ZMYND8: variants seen among roughly 807,000 people sequenced by gnomAD.
ZMYND8 encodes MYND-type zinc finger-containing chromatin reader ZMYND8.
In ZMYND8, 37 loss-of-function variants were observed where a neutral mutation model predicts 140.8. The ratio of observed to expected loss-of-function variants is 0.26; its 90% CI spans 0.20 to 0.35. The LOEUF (loss-of-function observed/expected upper bound fraction) is 0.35, where lower values mean the gene tolerates loss of function less well. Among genes scored for constraint, ZMYND8 ranks in the 10% least tolerant of loss-of-function variants. ZMYND8 has a pLI of 1.00. For missense variants in ZMYND8, 1,068 were observed against 1,570.0 expected (o/e 0.68, Z 5.40); for synonymous variants, 592 against 597.1 (o/e 0.99, Z 0.12).
chr20:47,355,586 C>A lies in ZMYND8; in HGVS notation c.14+1071G>T, dbSNP rs116322497. On this transcript the variant is annotated intron_variant, in intron 1 of 22. Coordinates refer to ENST00000471951, the MANE Select transcript of ZMYND8 (RefSeq NM_001281775.3). The stretch of plus-strand genomic sequence containing the variant: ...TTATTAAAAACACACACAACAACAA[C>A]AACACAACCCAACAACTGAATATGG... 4.2e-3 allele frequency: 3,061 copies of A among 725,100 alleles called. 79 individuals are homozygous for A. The African/African-American group carries it at 0.052, about 12-fold the overall frequency. The allele number at this position is 725,100 out of a possible 1,614,324, so 44.9% of individuals were successfully genotyped here. A position where few individuals can be genotyped will look rare whatever the true frequency, so the allele number is the denominator to read the frequency against.
Position 47,298,439 on chromosome 20 carries a change from C to CA in ZMYND8, c.453+289dup. 1.0e-6 allele frequency: 1 copy of CA among 985,368 alleles called. No individual in the cohort carries two copies. Among genetic ancestry groups the CA allele is most frequent in the Non-Finnish European group, 1.2e-6 (1 of 829,920 alleles). 61.0% of individuals were successfully genotyped at this position (985,368 alleles called of 1,614,324 possible). A position where few individuals can be genotyped will look rare whatever the true frequency, so the allele number is the denominator to read the frequency against. On this transcript the variant is annotated intron_variant, in intron 4 of 22. Transcript: ENST00000471951. This position sits in a 1 kb window ranked among gnomAD's most constrained non-coding sequence, Gnocchi z 5.0. ...CGTTCATGATTTGGGAGTTAACTTT[C>CA]AAAAAGTTCATCATAGAAGATGCAG...
At chr20:47,231,134 C>T (rs1347714436) in intron 16 of ZMYND8, among the ~76,000 whole-genome samples, 1 of 152,182 alleles carries the variant, frequency 6.6e-6, no homozygotes, top group Non-Finnish European at 1.5e-5. Context: ...GTGACATCAG[C>T]TAAGGTCCCT....
At chr20:47,280,318 G>A (rs1051355279) in intron 10 of ZMYND8, among the ~76,000 whole-genome samples, 7 of 152,080 alleles carry the variant, frequency 4.6e-5, no homozygotes, top group East Asian at 1.9e-4. Flanking sequence ...GAGGGGCTTC[G>A]AAACTGGTGA....
chr20:47,245,997 C>T lies in ZMYND8; in HGVS notation c.2284+11G>A. 6.4e-7 allele frequency: 1 copy of T among 1,565,762 alleles called. No homozygotes were observed. Among genetic ancestry groups the T allele is most frequent in the Non-Finnish European group, 8.6e-7 (1 of 1,160,734 alleles). On this transcript the variant is annotated intron_variant, in intron 14 of 22. Transcript: ENST00000471951. ...AAATTAAGAAAACTGGAAACAGATA[C>T]AATCACTTACCATCCTGTTTGGGAG...
intron 12 of ZMYND8, among the ~76,000 whole-genome samples, chr20:47,251,654 C>G (rs1328403525): frequency 6.6e-6 from 1 of 151,896 alleles, no homozygotes; most frequent in African/African-American, 2.4e-5. Flanking sequence ...GGCAAGAAAT[C>G]TGAAGTAGCT....
chr20:47,346,940 G>A lies in ZMYND8; in HGVS notation c.85+916C>T, dbSNP rs577643431. ...TTGTAACAATCCTCAAAATGCTTTTGGTTTCAGACGCCTTTAGGGAGTCAC... is the reference window on the plus strand; with the variant it reads ...TTGTAACAATCCTCAAAATGCTTTTAGTTTCAGACGCCTTTAGGGAGTCAC... On this transcript the variant is annotated intron_variant, in intron 2 of 22. Transcript: ENST00000471951. 6.6e-5 allele frequency among the ~76,000 whole-genome samples: 10 copies of A among 152,262 alleles called. No homozygotes were observed. The East Asian group carries it at 1.9e-3, about 29-fold the overall frequency.
intron 7 of ZMYND8, among the ~76,000 whole-genome samples, chr20:47,288,009 T>A (rs1360345274): frequency 6.6e-5 from 10 of 152,154 alleles, no homozygotes; most frequent in Non-Finnish European, 1.5e-4. Flanking sequence ...TAGCCCCAGG[T>A]CTAACTCTAC....
intron 8 of ZMYND8, 76 bp from the exon 9 acceptor site, chr20:47,283,724 T>C: frequency 6.9e-7 from 1 of 1,444,124 alleles, no homozygotes; most frequent in Non-Finnish European, 9.6e-7. Flanking sequence ...TGCTTGATGA[T>C]TTTGAAGGTT....
intron 21 of ZMYND8, among the ~76,000 whole-genome samples, chr20:47,215,523 T>A (rs555708016): frequency 2.6e-4 from 38 of 145,884 alleles, no homozygotes; most frequent in East Asian, 9.8e-4. Context: ...TTTTTTTTTT[T>A]AAATATGAGG....
intron 16 of ZMYND8, among the ~76,000 whole-genome samples, chr20:47,231,101 C>G (rs1186060237): frequency 6.6e-6 from 1 of 152,152 alleles, no homozygotes; most frequent in African/African-American, 2.4e-5. Flanking sequence ...AACTATCTGA[C>G]CCCTGAAGGC....
At chr20:47,256,452 T>C (rs1569011743) in intron 12 of ZMYND8, among the ~76,000 whole-genome samples, 1 of 151,478 alleles carries the variant, frequency 6.6e-6, no homozygotes, top group Non-Finnish European at 1.5e-5. Flanking sequence ...ACCCTGTCTC[T>C]ACTAAAAAAT....
chr20:47,307,101 G>C lies in ZMYND8; in HGVS notation c.234+2955C>G, dbSNP rs367828357. 3.2e-4 allele frequency among the ~76,000 whole-genome samples: 49 copies of C among 152,214 alleles called. No individual in the cohort carries two copies. In the East Asian group the frequency reaches 9.3e-3, roughly 29 times the overall value. ...TGGCATTAGAGAAGTGGGGCCCTGA[G>C]AGGTGATCAGGGCCCTGCCCTCATG... On this transcript the variant is annotated intron_variant, in intron 3 of 22. Transcript: ENST00000471951.
intron 2 of ZMYND8, chr20:47,318,979 A>T (rs1362461803): frequency 1.5e-6 from 2 of 1,351,494 alleles, no homozygotes; most frequent in South Asian, 1.1e-5. Context: ...GGCTGCTCAG[A>T]GGGCCTAGCC....
chr20:47,298,466 G>C lies in ZMYND8; in HGVS notation c.453+263C>G. 1.0e-6 allele frequency: 1 copy of C among 985,430 alleles called. No individual in the cohort carries two copies. Among genetic ancestry groups the C allele is most frequent in the Non-Finnish European group, 1.2e-6 (1 of 829,938 alleles). The allele number at this position is 985,430 out of a possible 1,614,324, so 61.0% of individuals were successfully genotyped here. ...AAAAGTTCATCATAGAAGATGCAGA[G>C]ATGACGACTACAGATCTCCAAGGAA... On this transcript the variant is annotated intron_variant, in intron 4 of 22. Coordinates refer to ENST00000471951, the MANE Select transcript of ZMYND8 (RefSeq NM_001281775.3). The surrounding 1 kb of genome is among the most constrained non-coding windows in gnomAD (Gnocchi z 5.0).
In ZMYND8 at chr20:47,337,862, T is replaced by C. The variant is rs111283006; in HGVS notation, c.85+9994A>G. 1.2e-4 allele frequency among the ~76,000 whole-genome samples: 19 copies of C among 152,116 alleles called. 1 individual carries two copies. In the East Asian group the frequency reaches 1.9e-3, roughly 16 times the overall value. Reference sequence around the variant, plus strand: ...AATGCCAAGGCTGGCATAATGGCAATGACTGGCTTGGGAATTACTCAGTTA... The same window carrying C: ...AATGCCAAGGCTGGCATAATGGCAACGACTGGCTTGGGAATTACTCAGTTA... On this transcript the variant is annotated intron_variant, in intron 2 of 22. Transcript: ENST00000471951.
chr20:47,351,145 G>A (rs1275810848), intron 1 of ZMYND8, among the ~76,000 whole-genome samples: 1 of 152,062 alleles, frequency 6.6e-6, no homozygotes, highest in Non-Finnish European at 1.5e-5. Context: ...TTCTTAACCT[G>A]CATGCACTGA....
At chr20:47,274,384 G>A (rs570481214) in intron 11 of ZMYND8, among the ~76,000 whole-genome samples, 21 of 152,352 alleles carry the variant, frequency 1.4e-4, no homozygotes, top group African/African-American at 5.1e-4. Flanking sequence ...AAATACGGCA[G>A]AAAACCATGG....
intron 12 of ZMYND8, among the ~76,000 whole-genome samples, chr20:47,251,583 CAA>C (rs570727691): frequency 7.6e-6 from 1 of 131,996 alleles, no homozygotes. Flanking sequence ...ATCCTGTCTC[CAA>C]AAAAAAAAAA....
intron 18 of ZMYND8, among the ~76,000 whole-genome samples, chr20:47,226,426 C>T (rs1040023339): frequency 6.6e-6 from 1 of 152,142 alleles, no homozygotes; most frequent in Non-Finnish European, 1.5e-5. Context: ...CTATACAGAA[C>T]GACAGGCCAA....
Sources: allele counts gnomAD v4.1 joint callset (sites outside exome capture counted in the v4.1 genomes callset), GRCh38; gene constraint gnomAD v4.1.1; non-coding constraint Gnocchi (gnomAD v3.1); transcripts MANE v1.5; gene names NCBI Gene and HGNC (gene_info 2026-07-23, HGNC 2026-07-21).